KLHL13: variants seen among roughly 807,000 people sequenced by gnomAD.
KLHL13 encodes the protein kelch like family member 13, also known as kelch-like protein 13.
Under a neutral mutation model 37.1 loss-of-function variants are expected in KLHL13, and 10 were observed. The observed-to-expected ratio is 0.27, with a 90% CI of 0.17 to 0.46. The LOEUF is 0.46. Among genes scored for constraint, KLHL13 ranks in the 20% least tolerant of loss-of-function variants. KLHL13 has a pLI of 1.00. For missense variants in KLHL13, 360 were observed against 509.3 expected (o/e 0.71, Z 2.82); for synonymous variants, 163 against 181.2 (o/e 0.90, Z 0.81).
chrX:117,984,147 G>A (rs2053697069), intron 1 of KLHL13, among the ~76,000 whole-genome samples: 2 of 111,327 alleles, frequency 1.8e-5, no homozygotes, highest in African/African-American at 6.5e-5. Context: ...GTTAAGTTCT[G>A]TCATACATCT....
intron 1 of KLHL13, among the ~76,000 whole-genome samples, chrX:117,966,894 T>G (rs1377002217): frequency 1.8e-5 from 2 of 111,897 alleles, no homozygotes. Context: ...CCTTACACCT[T>G]ATACAAAAAT....
chrX:117,925,053 A>AT (rs1338085141), intron 2 of KLHL13, among the ~76,000 whole-genome samples: 4 of 111,518 alleles, frequency 3.6e-5, no homozygotes, highest in African/African-American at 1.3e-4. Context: ...GAAACATCTA[A>AT]TGAGTTTGAT....
At chrX:117,938,850 C>CT (rs935879851) in intron 2 of KLHL13, among the ~76,000 whole-genome samples, 1 of 110,595 alleles carries the variant, frequency 9.0e-6, no homozygotes, top group East Asian at 2.8e-4. Context: ...ATTTACACAG[C>CT]TTTTTTTTGA....
At chrX:117,946,547 T>C (rs901673222) in intron 1 of KLHL13, 3 of 112,126 alleles carry the variant, frequency 2.7e-5, no homozygotes, top group African/African-American at 9.7e-5. Flanking sequence ...ATTGCTAAAA[T>C]AATCTCTGGA....
At chrX:117,991,137 T>TAAAAAAAAAAAAAAAAAA (rs750755409) in intron 1 of KLHL13, among the ~76,000 whole-genome samples, 8 of 83,916 alleles carry the variant, frequency 9.5e-5, no homozygotes, top group African/African-American at 6.0e-4. Flanking sequence ...CATTAAAAAG[T>TAAAAAAAAAAAAAAAAAA]AAAAAAAAAA....
chrX:117,950,227 G>T (rs1258911343), intron 1 of KLHL13, among the ~76,000 whole-genome samples: 1 of 112,535 alleles, frequency 8.9e-6, no homozygotes, highest in Admixed American at 9.4e-5. Context: ...AGCACTTTGG[G>T]AGGCCAAAGC....
In KLHL13 at chrX:118,069,108, G is replaced by GTC. The variant is rs2054825670; in HGVS notation, c.-56+47398_-56+47399dup. ...GGTGAAAACAGGGCCATCCAGAAGAGTCACACACACACACACACACACACA... is the reference window on the plus strand; with the variant it reads ...GGTGAAAACAGGGCCATCCAGAAGAGTCTCACACACACACACACACACACACA... On this transcript the variant is annotated intron_variant, in intron 1 of 6. Coordinates refer to the KLHL13 transcript ENST00000371882. 2.3e-4 allele frequency among the ~76,000 whole-genome samples: 17 copies of GTC among 73,272 alleles called. No homozygotes were observed. The South Asian group carries it at 8.1e-3, about 35-fold the overall frequency. The allele number at this position is 73,272 out of a possible 115,157, so 63.6% of individuals were successfully genotyped here.
At chrX:117,946,807 T>A (rs993561666) in intron 1 of KLHL13, 5 of 111,887 alleles carry the variant, frequency 4.5e-5, no homozygotes, top group African/African-American at 1.6e-4. Context: ...AAACCCCAAG[T>A]TGATCAGTTT....
At chrX:118,071,219 G>A (rs139690227) in intron 1 of KLHL13, among the ~76,000 whole-genome samples, 17,730 of 110,870 alleles carry the variant, frequency 0.16, 1,319 homozygotes, top group South Asian at 0.3. Context: ...ATAAACATAC[G>A]TGTGCATGTG....
chrX:118,039,780 C>A (rs1254381490), intron 1 of KLHL13, among the ~76,000 whole-genome samples: 3 of 111,188 alleles, frequency 2.7e-5, no homozygotes, highest in African/African-American at 9.8e-5. Context: ...GAGCCTTGGG[C>A]AAAACCCAGG....
chrX:117,994,258 C>T, intron 1 of KLHL13, among the ~76,000 whole-genome samples: 1 of 109,244 alleles, frequency 9.2e-6, no homozygotes. Flanking sequence ...TCCCTTCCTT[C>T]CTTCCCATTT....
intron 1 of KLHL13, among the ~76,000 whole-genome samples, chrX:117,960,063 T>C (rs1451210909): frequency 9.0e-6 from 1 of 110,750 alleles, no homozygotes; most frequent in Non-Finnish European, 1.9e-5. Flanking sequence ...ATATTTTCAA[T>C]CTAAACCTTT....
intron 1 of KLHL13, among the ~76,000 whole-genome samples, chrX:118,037,899 A>T: frequency 8.9e-6 from 1 of 111,881 alleles, no homozygotes; most frequent in Non-Finnish European, 1.9e-5. Flanking sequence ...GCCAGAGTGA[A>T]CTAGGACTGA....
At chrX:117,919,486 T>C (rs747540787) in intron 4 of KLHL13, 35 bp downstream of exon 5, 9 of 1,105,148 alleles carry the variant, frequency 8.1e-6, no homozygotes, top group South Asian at 1.9e-5. Context: ...CATCAGAGTC[T>C]ACCACAGGAA....
intron 1 of KLHL13, among the ~76,000 whole-genome samples, chrX:118,045,676 G>A (rs2054552832): frequency 9.0e-6 from 1 of 110,604 alleles, no homozygotes; most frequent in Admixed American, 9.6e-5. Flanking sequence ...GGGCGTGGTG[G>A]TGCATGCCTG....
At chrX:117,931,795 A>G (rs900604951) in intron 2 of KLHL13, among the ~76,000 whole-genome samples, 1 of 111,356 alleles carries the variant, frequency 9.0e-6, no homozygotes, top group African/African-American at 3.3e-5. Context: ...CAAGCCTCCT[A>G]ATCTCCCTGA....
At chrX:117,932,319 A>C (rs1203323252) in intron 2 of KLHL13, among the ~76,000 whole-genome samples, 1 of 110,941 alleles carries the variant, frequency 9.0e-6, no homozygotes, top group Non-Finnish European at 1.9e-5. Flanking sequence ...TCATTGACCA[A>C]TCTTTCCCAG....
intron 1 of KLHL13, among the ~76,000 whole-genome samples, chrX:117,948,707 C>T (rs998373825): frequency 2.7e-5 from 3 of 111,542 alleles, no homozygotes; most frequent in Middle Eastern, 4.6e-3. Context: ...TGCCACCCCC[C>T]GCCTACCCAA....
chrX:117,926,776 C>A (rs760127602), intron 2 of KLHL13, among the ~76,000 whole-genome samples: 148 of 108,663 alleles, frequency 1.4e-3, no homozygotes, highest in Non-Finnish European at 2.1e-3. Flanking sequence ...CACCCCACCC[C>A]CTATCTTATA....
Sources: gnomAD v4.1 joint callset for allele counts (sites outside exome capture counted in the v4.1 genomes callset) on GRCh38, gnomAD v4.1.1 for gene constraint, MANE v1.5 for transcripts, NCBI Gene and HGNC (gene_info 2026-07-23, HGNC 2026-07-21) for gene names.